The following WDFY3 variants were observed in gnomAD, a reference collection of about 807,000 sequenced individuals.
WDFY3 encodes the protein WD repeat and FYVE domain-containing protein 3.
In WDFY3, 66 loss-of-function variants were observed where a neutral mutation model predicts 409.6. The observed-to-expected ratio is 0.16, with a 90% CI of 0.13 to 0.20. The LOEUF is 0.20. Ranked by LOEUF, WDFY3 falls within the 10% of genes least tolerant of loss-of-function variation. The probability of loss-of-function intolerance (pLI) is 1.00; values close to 1 mark genes in which losing one functional copy is unlikely to be tolerated. For missense variants in WDFY3, 3,031 were observed against 4,298.1 expected, an observed-to-expected ratio of 0.71 and a Z score of 8.24; for synonymous variants, 1,521 against 1,537.1, an observed-to-expected ratio of 0.99 and a Z score of 0.25.
At chr4:84,738,509 T>C (rs1012854632) in intron 40 of WDFY3, among the ~76,000 whole-genome samples, 9 of 150,222 alleles carry the variant, frequency 6.0e-5, no homozygotes, top group African/African-American at 2.0e-4. Flanking sequence ...GGCTGAGACA[T>C]GAGAATCACT....
intron 1 of WDFY3, among the ~76,000 whole-genome samples, chr4:84,941,369 G>A (rs1329321146): frequency 1.3e-5 from 2 of 151,964 alleles, no homozygotes; most frequent in Non-Finnish European, 2.9e-5. Flanking sequence ...GAGATAGATA[G>A]ATAGATAGAT....
chr4:84,838,910 T>G (rs1384094111), intron 6 of WDFY3, among the ~76,000 whole-genome samples: 1 of 152,056 alleles, frequency 6.6e-6, no homozygotes, highest in Non-Finnish European at 1.5e-5. Flanking sequence ...TTCTGCTTCA[T>G]CTCTTACATC....
At chr4:84,674,816 C>T (rs1227678847) in intron 67 of WDFY3, among the ~76,000 whole-genome samples, 10 of 145,224 alleles carry the variant, frequency 6.9e-5, no homozygotes, top group East Asian at 2.1e-4. Context: ...TGCAGTGAGC[C>T]GAGATCACGC....
At chr4:84,683,896 A>G (rs750500014) in intron 63 of WDFY3, 47 bp downstream of exon 63, 5 of 1,528,374 alleles carry the variant, frequency 3.3e-6, no homozygotes, top group Non-Finnish European at 4.4e-6. Context: ...TTTCTGGTAA[A>G]CTAGGATGAC....
chr4:84,872,629 C>T (rs938352618), intron 3 of WDFY3, among the ~76,000 whole-genome samples: 2 of 151,948 alleles, frequency 1.3e-5, no homozygotes, highest in Non-Finnish European at 2.9e-5. Context: ...CCTACTAAAT[C>T]AATAATCATT....
chr4:84,858,950 GAA>G (rs568130363), intron 4 of WDFY3, among the ~76,000 whole-genome samples: 164 of 152,040 alleles, frequency 1.1e-3, no homozygotes, highest in African/African-American at 3.7e-3. Context: ...ATGGAGAAGA[GAA>G]AGAGAGATGA....
At chr4:84,809,823 G>T in intron 14 of WDFY3, 64 bp downstream of exon 14, 1 of 1,408,820 alleles carries the variant, frequency 7.1e-7, no homozygotes. Context: ...CATAATTCAA[G>T]TCTTAATGTT....
rs527962152 is a variant in WDFY3 at position 84,829,245 on chromosome 4, A to T, written c.770-55T>A. On this transcript the variant is annotated intron_variant, in intron 8 of 67. Coordinates refer to ENST00000295888, the MANE Select transcript of WDFY3 (RefSeq NM_014991.6). ...CATTATTCCTGACAATCGCTTAAAA[A>T]TTTTTTAATTGTTAACTGTTGTTTA... 62 of 1,403,216 alleles carry T rather than the reference A, an allele frequency of 4.4e-5. No individual in the cohort carries two copies. The East Asian group carries it at 1.4e-3, about 31-fold the overall frequency. 86.9% of individuals were successfully genotyped at this position (1,403,216 alleles called of 1,614,324 possible).
chr4:84,884,997 TTTG>T (rs377112521), intron 3 of WDFY3, among the ~76,000 whole-genome samples: 105 of 152,148 alleles, frequency 6.9e-4, no homozygotes, highest in African/African-American at 2.3e-3. Flanking sequence ...ATACATATTC[TTTG>T]TTGTTGTTGT....
Position 84,751,586 on chromosome 4 carries a change from G to C in WDFY3, c.5870C>G (p.Pro1957Arg). The C allele has an allele frequency of 1.2e-6, 2 of 1,614,106 alleles. No homozygotes were observed. The highest frequency in any genetic ancestry group is 1.7e-6 in the Non-Finnish European group (2 of 1,180,016). ...GAAGTCAAAAACGAACTTTTTAGCCGGGTGATTGGTCAGATATGTCTTGGT... is the reference window on the plus strand; with the variant it reads ...GAAGTCAAAAACGAACTTTTTAGCCCGGTGATTGGTCAGATATGTCTTGGT... Reference protein sequence around the residue: ...VGTKTYLTNHPAKKFVFDFMR... With the variant: ...VGTKTYLTNHRAKKFVFDFMR... The change falls in exon 36 of 68, where the codon CCG (proline) becomes CGG (arginine). Residue 1957 changes from proline to arginine, a missense_variant. Pro to Arg is a moderately radical substitution (Grantham distance 103). Around this residue, in one of 16 missense-constraint regions of WDFY3, gnomAD observed 314 missense variants for 397.4 expected, o/e 0.79. Transcript: ENST00000295888.
rs1031089799 is a variant in WDFY3 at position 84,669,953 on chromosome 4, A to G, written c.*2915T>C. 2.6e-5 allele frequency: 4 copies of G among 152,642 alleles called. No individual in the cohort carries two copies. Among genetic ancestry groups the G allele is most frequent in the Non-Finnish European group, 4.4e-5 (3 of 68,050 alleles). 9.5% of individuals were successfully genotyped at this position (152,642 alleles called of 1,614,324 possible). ...AGTAACCAAACTTGCTGAAATTAAAAATACTTTCTAAAAACAGTTTTAACG... is the reference window on the plus strand; with the variant it reads ...AGTAACCAAACTTGCTGAAATTAAAGATACTTTCTAAAAACAGTTTTAACG... On this transcript the variant is annotated 3_prime_UTR_variant, in exon 68 of 68. Coordinates refer to ENST00000295888, the MANE Select transcript of WDFY3 (RefSeq NM_014991.6).
At chr4:84,736,368 T>C in intron 41 of WDFY3, 41 bp from the exon 42 acceptor site, 5 of 1,538,162 alleles carry the variant, frequency 3.3e-6, no homozygotes, top group Non-Finnish European at 3.5e-6. Context: ...AATTTCTCCA[T>C]GTATTTATGA....
intron 2 of WDFY3, among the ~76,000 whole-genome samples, chr4:84,929,266 T>C (rs1196835460): frequency 6.6e-6 from 1 of 152,108 alleles, no homozygotes; most frequent in African/African-American, 2.4e-5. Context: ...ATCATTGAAT[T>C]GGAAGCAGAT....
intron 42 of WDFY3, 90 bp from the exon 43 acceptor site, chr4:84,735,210 G>A (rs1279961433): frequency 2.5e-6 from 3 of 1,207,034 alleles, no homozygotes; most frequent in South Asian, 1.4e-5. Context: ...TAAATAATTG[G>A]TTAAAATTCT....
intron 7 of WDFY3, among the ~76,000 whole-genome samples, chr4:84,835,067 G>C (rs564136371): frequency 9.9e-5 from 15 of 152,258 alleles, no homozygotes; most frequent in African/African-American, 3.4e-4. Context: ...TGAGGAGTTT[G>C]ATTTAAATTA....
chr4:84,960,708 G>A (rs952285014), intron 1 of WDFY3, among the ~76,000 whole-genome samples: 1 of 151,966 alleles, frequency 6.6e-6, no homozygotes, highest in Admixed American at 6.6e-5. Context: ...GAATTTCTGA[G>A]CTCAAGCAAT....
intron 32 of WDFY3, among the ~76,000 whole-genome samples, chr4:84,759,380 TA>T (rs1742086184): frequency 1.3e-5 from 2 of 152,220 alleles, no homozygotes; most frequent in Admixed American, 1.3e-4. Flanking sequence ...ATTGAATCGA[TA>T]AATTACCTTG....
chr4:84,765,583 A>C (rs1743489743), intron 32 of WDFY3, among the ~76,000 whole-genome samples: 1 of 152,174 alleles, frequency 6.6e-6, no homozygotes, highest in Non-Finnish European at 1.5e-5. Context: ...AAAGATCTTG[A>C]GGAATTCCCT....
intron 42 of WDFY3, 52 bp downstream of exon 42, chr4:84,736,118 T>C (rs1343346590): frequency 2.0e-6 from 3 of 1,530,568 alleles, no homozygotes; most frequent in Non-Finnish European, 2.6e-6. Flanking sequence ...ACATGTTAAG[T>C]ATATTATACA....
Sources: allele counts gnomAD v4.1 joint callset (sites outside exome capture counted in the v4.1 genomes callset), GRCh38; gene constraint gnomAD v4.1.1; regional missense constraint gnomAD v4.1.1; transcripts MANE v1.5; gene names NCBI Gene and HGNC (gene_info 2026-07-23, HGNC 2026-07-21).